ASB16: variants seen among roughly 807,000 people sequenced by gnomAD.
The protein encoded by ASB16 is ankyrin repeat and SOCS box containing 16.
Under a neutral mutation model 39.1 loss-of-function variants are expected in ASB16, and 44 were observed. The observed-to-expected ratio is 1.13, with a 90% confidence interval of 0.88 to 1.45. ASB16 has a LOEUF of 1.45. ASB16 is among the 40% of genes most tolerant of loss of function. ASB16 has a pLI of 0.00. For synonymous variants in ASB16, 305 were observed against 286.7 expected, an observed-to-expected ratio of 1.06 and a Z score of -0.64; for missense variants, 698 against 634.5, an observed-to-expected ratio of 1.10 and a Z score of -1.07.
rs994071995 is a variant in ASB16, at chr17:44,173,877, AT to A, written c.569+1574del. Among the ~76,000 whole-genome samples the A allele has an allele frequency of 4.7e-3, 693 of 148,930 alleles. 7 individuals are homozygous for A. Among genetic ancestry groups the A allele is most frequent in the African/African-American group, 0.016 (649 of 40,696 alleles). The stretch of plus-strand genomic sequence containing the variant: ...CCGATGTTAGGAAACACAGGGCTAG[AT>A]TTTTTTTTTGGAGACAGGGTCTCAC... On this transcript the variant is annotated intron_variant, in intron 2 of 4. Coordinates refer to ENST00000293414, the MANE Select transcript of ASB16 (RefSeq NM_080863.5).
At position 44,178,381 on chromosome 17, in the gene ASB16, C is replaced by A; in HGVS notation, c.1353C>A (p.Cys451Ter). The A allele has an allele frequency of 6.3e-7, 1 of 1,597,182 alleles. No homozygotes were observed. The highest frequency in any genetic ancestry group is 8.5e-7 in the Non-Finnish European group (1 of 1,170,572). ...ACCTGCTGCTGCGTGTGGAGGGGTG[C>A]ATCCAGTGAACCCCATGTCAGGCTG... ...RDYLLLRVEG[C>*]IQ The change falls in exon 5 of 5, where the codon TGC (cysteine) becomes TGA (stop). Residue 451 changes from cysteine to a stop codon, truncating the protein, a stop_gained. Coordinates refer to ENST00000293414, the MANE Select transcript of ASB16 (RefSeq NM_080863.5). LOFTEE classifies it high-confidence loss of function.
chr17:44,177,204 T>C lies in ASB16; in HGVS notation c.1036T>C (p.Tyr346His). The change falls in exon 3 of 5, where the codon TAC (tyrosine) becomes CAC (histidine). Residue 346 changes from tyrosine (Y) to histidine (H), a missense_variant. By Grantham distance (83) the Tyr-to-His change is moderately conservative (BLOSUM62 2). Coordinates refer to ENST00000293414, the MANE Select transcript of ASB16 (RefSeq NM_080863.5). ...PEVLFAALLD[Y>H]GAQPVRPEML... Reference sequence around the variant, plus strand: ...AGTCCTTTTCGCCGCACTGCTGGACTACGGGGCGCAGCCAGTGCGCCCTGA... The same window carrying C: ...AGTCCTTTTCGCCGCACTGCTGGACCACGGGGCGCAGCCAGTGCGCCCTGA... 1 of 1,541,716 alleles carries C rather than the reference T, an allele frequency of 6.5e-7. No homozygotes were observed. Among genetic ancestry groups the C allele is most frequent in the Non-Finnish European group, 8.7e-7 (1 of 1,144,288 alleles).
Position 44,170,778 on chromosome 17 carries a change from T to C in ASB16, c.-12T>C. 3 of 1,578,480 alleles carry C rather than the reference T, an allele frequency of 1.9e-6. No individual in the cohort carries two copies. Among genetic ancestry groups the C allele is most frequent in the Non-Finnish European group, 2.6e-6 (3 of 1,161,900 alleles). On this transcript the variant is annotated 5_prime_UTR_variant, in exon 1 of 5. Coordinates refer to ENST00000293414, the MANE Select transcript of ASB16 (RefSeq NM_080863.5). ...GCCCAGGTGCCACTGCCCAAACCCC[T>C]GGGCCCCATCCATGGCAAGAGAGAC...
At chr17:44,177,588 A>G in intron 3 of ASB16, 21 bp from the exon 4 acceptor site, 1 of 1,611,152 alleles carries the variant, frequency 6.2e-7, no homozygotes, top group Non-Finnish European at 8.5e-7. Flanking sequence ...CATGTGCCCA[A>G]GACCCTCTTT....
chr17:44,178,519 C>G lies in ASB16; in HGVS notation c.*129C>G. The stretch of plus-strand genomic sequence containing the variant: ...ACCTAGTCTCACTCTGTTGCCCAGG[C>G]TGGAGTGCAGTGGCGCTATCTCGGC... On this transcript the variant is annotated 3_prime_UTR_variant, in exon 5 of 5. Coordinates refer to ENST00000293414, the MANE Select transcript of ASB16 (RefSeq NM_080863.5). 1 of 1,050,596 alleles carries G rather than the reference C, an allele frequency of 9.5e-7. No homozygotes were observed. The highest frequency in any genetic ancestry group is 1.3e-6 in the Non-Finnish European group (1 of 742,936). The allele number at this position is 1,050,596 out of a possible 1,614,324, so 65.1% of individuals were successfully genotyped here. A position where few individuals can be genotyped will look rare whatever the true frequency, so the allele number is the denominator to read the frequency against.
chr17:44,178,747 G>A lies in ASB16; in HGVS notation c.*357G>A. The A allele has an allele frequency of 3.6e-6, 1 of 274,194 alleles. No homozygotes were observed. The highest frequency in any genetic ancestry group is 7.1e-6 in the Non-Finnish European group (1 of 141,726). The allele number at this position is 274,194 out of a possible 1,614,324, so 17.0% of individuals were successfully genotyped here. A position where few individuals can be genotyped will look rare whatever the true frequency, so the allele number is the denominator to read the frequency against. On this transcript the variant is annotated 3_prime_UTR_variant, in exon 5 of 5. Transcript: ENST00000293414. The stretch of plus-strand genomic sequence containing the variant: ...GCCTCCCAAAGTGTTGGGATTACAG[G>A]CATGAGCCACTGCGCCTGGTTGCCT...
At chr17:44,174,658 T>C (rs1172096570) in intron 2 of ASB16, among the ~76,000 whole-genome samples, 1 of 152,160 alleles carries the variant, frequency 6.6e-6, no homozygotes, top group Non-Finnish European at 1.5e-5. Context: ...TAGATCTAGA[T>C]GAAGTCCAAG....
In ASB16 at chr17:44,177,150, G is replaced by C. The variant is rs573614930; in HGVS notation, c.982G>C (p.Val328Leu). The C allele has an allele frequency of 1.3e-6, 2 of 1,521,284 alleles. No homozygotes were observed. The highest frequency in any genetic ancestry group is 1.8e-6 in the Non-Finnish European group (2 of 1,137,208). The allele number at this position is 1,521,284 out of a possible 1,614,324, so 94.2% of individuals were successfully genotyped here. ...HTPMDCALQAVQDSPNWEPEV... is the reference protein window; with the variant it reads ...HTPMDCALQALQDSPNWEPEV... ...GCCCATGGACTGTGCGCTGCAGGCC[G>C]TCCAGGACTCCCCCAACTGGGAGCC... Residue 328 changes from valine (V) to leucine (L), a missense_variant, in exon 3 of 5, where the codon GTC becomes CTC. Physicochemically the swap from Val to Leu is conservative, Grantham distance 32 (BLOSUM62 1). Transcript: ENST00000293414.
chr17:44,172,429 C>G (rs976259797), intron 2 of ASB16, 116 bp downstream of exon 2: 3 of 1,182,300 alleles, frequency 2.5e-6, no homozygotes, highest in South Asian at 3.0e-5. Flanking sequence ...CATAAAGCAC[C>G]GCATATACAC....
chr17:44,174,103 G>A (rs1195092984), intron 2 of ASB16, among the ~76,000 whole-genome samples: 2 of 141,170 alleles, frequency 1.4e-5, no homozygotes, highest in African/African-American at 2.7e-5. Context: ...GTAGTGGCCC[G>A]ATCTCGGCTC....
In ASB16 at chr17:44,178,264, G is replaced by C. The variant is rs1366775302; in HGVS notation, c.1236G>C (p.Gln412His). 21 of 1,613,564 alleles carry C rather than the reference G, an allele frequency of 1.3e-5. No individual in the cohort carries two copies. Among genetic ancestry groups the C allele is most frequent in the Non-Finnish European group, 1.8e-5 (21 of 1,179,980 alleles). Residue 412 changes from glutamine to histidine, a missense_variant, in exon 5 of 5, where the codon CAG becomes CAC. By Grantham distance (24) the Gln-to-His change is conservative (BLOSUM62 0). Transcript: ENST00000293414. ...TGGTGAACCAGCCAAGGCAGCTGCA[G>C]CACCTGGCCCGACTAGCTGTGCGCG... ...LCMVNQPRQL[Q>H]HLARLAVRAR...
chr17:44,178,112 G>T (rs1442675403), intron 4 of ASB16, 93 bp from the exon 5 acceptor site: 1 of 1,332,496 alleles, frequency 7.5e-7, no homozygotes, highest in Non-Finnish European at 1.1e-6. Flanking sequence ...CACCCAGGTG[G>T]GTGCATGCTG....
chr17:44,177,741 C>G lies in ASB16; in HGVS notation c.1176+19C>G. Reference sequence around the variant, plus strand: ...GTGGAAGGTATGTTTGCCTCAGGGCCGAGATGGGGAGGAGGGACGAGCCAC... The same window carrying G: ...GTGGAAGGTATGTTTGCCTCAGGGCGGAGATGGGGAGGAGGGACGAGCCAC... On this transcript the variant is annotated intron_variant, in intron 4 of 4. Coordinates refer to ENST00000293414, the MANE Select transcript of ASB16 (RefSeq NM_080863.5). 3 of 1,609,098 alleles carry G rather than the reference C, an allele frequency of 1.9e-6. No homozygotes were observed. The highest frequency in any genetic ancestry group is 1.7e-4 in the Middle Eastern group (1 of 6,022).
At chr17:44,176,590 T>C in intron 2 of ASB16, 148 bp from the exon 3 acceptor site, 1 of 1,162,008 alleles carries the variant, frequency 8.6e-7, no homozygotes, top group Non-Finnish European at 1.3e-6. Flanking sequence ...AATTCTGTTG[T>C]CTGTAGCGGG....
intron 1 of ASB16, among the ~76,000 whole-genome samples, chr17:44,171,469 A>G (rs551319840): frequency 3.3e-5 from 5 of 150,418 alleles, no homozygotes; most frequent in African/African-American, 1.2e-4. Context: ...CAGCTGAGGC[A>G]GAAGAATCAC....
intron 1 of ASB16, 29 bp from the exon 2 acceptor site, chr17:44,172,017 C>A: frequency 6.3e-7 from 1 of 1,597,416 alleles, no homozygotes; most frequent in Non-Finnish European, 8.6e-7. Flanking sequence ...TCTTATACAC[C>A]ACCTCCCAAA....
intron 4 of ASB16, 27 bp downstream of exon 4, chr17:44,177,749 G>T: frequency 6.2e-7 from 1 of 1,609,368 alleles, no homozygotes. Flanking sequence ...GCCGAGATGG[G>T]GAGGAGGGAC....
Position 44,176,765 on chromosome 17 carries a change from A to T in ASB16, c.597A>T (p.Gly199=). ...GCGCCAAGTTGCTGCTGGAAGCAGG[A>T]GCGACGGTGAACCTGGCAGCAGGCG... ...LQCAKLLLEA[G]ATVNLAAGES... The change falls in exon 3 of 5, where the codon GGA becomes GGT. Residue 199 remains glycine (G), a synonymous_variant. Coordinates refer to ENST00000293414, the MANE Select transcript of ASB16 (RefSeq NM_080863.5). The T allele has an allele frequency of 6.2e-7, 1 of 1,613,828 alleles. No individual in the cohort carries two copies. Among genetic ancestry groups the T allele is most frequent in the Non-Finnish European group, 8.5e-7 (1 of 1,179,930 alleles).
At chr17:44,177,404 G>A in intron 3 of ASB16, 174 bp downstream of exon 3, 1 of 1,185,016 alleles carries the variant, frequency 8.4e-7, no homozygotes, top group Non-Finnish European at 1.2e-6. Flanking sequence ...GAGAGTCCAA[G>A]GGAGGGAAGA....
Sources: gnomAD v4.1 joint callset for allele counts (sites outside exome capture counted in the v4.1 genomes callset) on GRCh38, gnomAD v4.1.1 for gene constraint, MANE v1.5 for transcripts, NCBI Gene and HGNC (gene_info 2026-07-23, HGNC 2026-07-21) for gene names.